The following CHL1 variants were observed in gnomAD, a reference collection of about 807,000 sequenced individuals.
The protein encoded by CHL1 is neural cell adhesion molecule L1-like protein.
In CHL1, 96 loss-of-function variants were observed where a neutral mutation model predicts 141.9. The ratio of observed to expected loss-of-function variants is 0.68; its 90% CI spans 0.57 to 0.80. The LOEUF (loss-of-function observed/expected upper bound fraction) is 0.80, where lower values mean the gene tolerates loss of function less well. Ranked by LOEUF, CHL1 falls within the 30% of genes least tolerant of loss-of-function variation. The pLI, the probability that CHL1 is intolerant of heterozygous loss-of-function variation, is 0.00. For missense variants in CHL1, 1,820 were observed against 1,457.2 expected, an observed-to-expected ratio of 1.25 and a Z score of -4.05; for synonymous variants, 613 against 502.2, an observed-to-expected ratio of 1.22 and a Z score of -2.95.
Position 389,209 on chromosome 3 carries a change from C to T in CHL1, c.2248-43C>T, listed in dbSNP as rs764932402. 3.3e-6 allele frequency: 5 copies of T among 1,493,734 alleles called. No homozygotes were observed. In the African/African-American group the frequency reaches 4.2e-5, roughly 12 times the overall value. The allele number at this position is 1,493,734 out of a possible 1,614,324, so 92.5% of individuals were successfully genotyped here. On this transcript the variant is annotated intron_variant, in intron 19 of 27. Coordinates refer to ENST00000256509, the MANE Select transcript of CHL1 (RefSeq NM_006614.4). ...TGGTTCACCATCATCTCTGAGTCAA[C>T]ACATCTGTGATCAGACTAAATGAGT...
At chr3:234,083 G>A (rs900147452) in intron 1 of CHL1, among the ~76,000 whole-genome samples, 4 of 151,972 alleles carry the variant, frequency 2.6e-5, no homozygotes, top group Admixed American at 2.0e-4. Flanking sequence ...GTGTGTATAT[G>A]AGTGTAGCTA....
intron 15 of CHL1, among the ~76,000 whole-genome samples, chr3:373,315 T>G (rs1442862133): frequency 2.6e-5 from 4 of 152,164 alleles, no homozygotes; most frequent in African/African-American, 9.6e-5. Context: ...TTATTGGAGT[T>G]CCTGCAGGGA....
At chr3:249,627 C>A (rs532904434) in intron 2 of CHL1, among the ~76,000 whole-genome samples, 1 of 152,122 alleles carries the variant, frequency 6.6e-6, no homozygotes, top group Admixed American at 6.6e-5. Flanking sequence ...GCAGTTGCTT[C>A]CCTTTATTTG....
intron 3 of CHL1, among the ~76,000 whole-genome samples, chr3:321,411 G>C (rs141353812): frequency 6.6e-6 from 1 of 152,016 alleles, no homozygotes. Flanking sequence ...TTCTGGTCGG[G>C]AGTCTAAAGT....
chr3:273,478 C>T (rs1447699779), intron 2 of CHL1, among the ~76,000 whole-genome samples: 1 of 152,088 alleles, frequency 6.6e-6, no homozygotes, highest in Non-Finnish European at 1.5e-5. Context: ...TCTGTGTTAC[C>T]TTCTTTAATC....
At chr3:252,402 T>TATATATA (rs1553596197) in intron 2 of CHL1, among the ~76,000 whole-genome samples, 3 of 54,164 alleles carry the variant, frequency 5.5e-5, no homozygotes, top group Non-Finnish European at 1.2e-4. Context: ...ATATATATAT[T>TATATATA]TCTATTTTGG....
At chr3:246,086 A>G (rs1485561323) in intron 2 of CHL1, among the ~76,000 whole-genome samples, 1 of 152,198 alleles carries the variant, frequency 6.6e-6, no homozygotes, top group Non-Finnish European at 1.5e-5. Flanking sequence ...GGATACATTT[A>G]TTCCATTAAA....
chr3:266,667 C>G (rs1363454470), intron 2 of CHL1, among the ~76,000 whole-genome samples: 1 of 152,150 alleles, frequency 6.6e-6, no homozygotes, highest in Non-Finnish European at 1.5e-5. Context: ...TGAAATAAAA[C>G]TTGCATTTCA....
intron 19 of CHL1, among the ~76,000 whole-genome samples, chr3:388,525 C>A (rs1707948777): frequency 7.0e-6 from 1 of 142,592 alleles, no homozygotes; most frequent in Non-Finnish European, 1.5e-5. Flanking sequence ...CCAGCCTGGG[C>A]AGCAAGAGTG....
At position 377,814 on chromosome 3, in the gene CHL1, A is replaced by G. The variant is rs2125366603; in HGVS notation, c.1752-4A>G. 6.3e-7 allele frequency: 1 copy of G among 1,595,562 alleles called. No individual in the cohort carries two copies. The highest frequency in any genetic ancestry group is 8.5e-7 in the Non-Finnish European group (1 of 1,170,686). On this transcript the variant is annotated splice_polypyrimidine_tract_variant and splice_region_variant and intron_variant, in intron 15 of 27. Transcript: ENST00000256509. The stretch of plus-strand genomic sequence containing the variant: ...TCATCATGTACTCACTTTTTTTCTG[A>G]TAGGATAATTATTGATGGAGCTAAT...
At chr3:270,166 G>A (rs1328416019) in intron 2 of CHL1, among the ~76,000 whole-genome samples, 1 of 152,174 alleles carries the variant, frequency 6.6e-6, no homozygotes, top group African/African-American at 2.4e-5. Context: ...CTGAGTTTTA[G>A]TGACAGAAGG....
At chr3:207,988 A>G (rs1203748945) in intron 1 of CHL1, among the ~76,000 whole-genome samples, 4 of 152,168 alleles carry the variant, frequency 2.6e-5, no homozygotes, top group Non-Finnish European at 5.9e-5. Context: ...TGTCCCCTCA[A>G]AAAAAGGGCT....
chr3:306,387 C>T (rs1429145545), intron 2 of CHL1, among the ~76,000 whole-genome samples: 2 of 152,100 alleles, frequency 1.3e-5, no homozygotes, highest in Admixed American at 6.6e-5. Flanking sequence ...AGCACTGATA[C>T]ATCTATTAAA....
At chr3:272,951 A>T (rs1285517312) in intron 2 of CHL1, among the ~76,000 whole-genome samples, 2 of 152,180 alleles carry the variant, frequency 1.3e-5, no homozygotes, top group Non-Finnish European at 2.9e-5. Flanking sequence ...GAGATAATGA[A>T]GGGCCACCTA....
intron 10 of CHL1, among the ~76,000 whole-genome samples, chr3:351,266 A>G (rs1315349342): frequency 6.6e-6 from 1 of 152,256 alleles, no homozygotes; most frequent in Non-Finnish European, 1.5e-5. Flanking sequence ...TTTCCTGAAC[A>G]AATTGTTCTC....
In CHL1 at chr3:340,882, C is replaced by T. The variant is rs1473574748; in HGVS notation, c.474C>T (p.Gly158=). 6.2e-7 allele frequency: 1 copy of T among 1,612,690 alleles called. No individual in the cohort carries two copies. ...PIVLPCNPPK[G]LPPLHIYWMN... is the part of the protein sequence containing the mutation. ...TCCTCCCATGCAATCCTCCCAAAGG[C>T]CTCCCACCTTTACACATTTATTGGA... is the stretch of plus-strand genomic sequence containing the variant. Residue 158 remains glycine (G), a synonymous_variant, in exon 6 of 28, where the codon GGC becomes GGT. Coordinates refer to ENST00000256509, the MANE Select transcript of CHL1 (RefSeq NM_006614.4).
intron 16 of CHL1, 42 bp downstream of exon 16, chr3:377,984 T>C: frequency 6.5e-7 from 1 of 1,547,622 alleles, no homozygotes; most frequent in South Asian, 1.2e-5. Context: ...ATTTCTTCAT[T>C]TCTGATTAAA....
At chr3:329,686 A>G (rs1182484897) in intron 5 of CHL1, among the ~76,000 whole-genome samples, 2 of 152,038 alleles carry the variant, frequency 1.3e-5, no homozygotes, top group African/African-American at 4.8e-5. Flanking sequence ...TGAGTTAAAA[A>G]AAAGCTATAA....
At chr3:403,338 T>C (rs929108378) in intron 27 of CHL1, among the ~76,000 whole-genome samples, 1 of 152,152 alleles carries the variant, frequency 6.6e-6, no homozygotes, top group Admixed American at 6.5e-5. Flanking sequence ...TTGTATTCTA[T>C]AGGAACAAAT....
Sources: allele counts gnomAD v4.1 joint callset (sites outside exome capture counted in the v4.1 genomes callset), GRCh38; gene constraint gnomAD v4.1.1; transcripts MANE v1.5; gene names NCBI Gene and HGNC (gene_info 2026-07-23, HGNC 2026-07-21).